Variants in NWD2 observed in about 807,000 individuals in gnomAD.
The protein encoded by NWD2 is NACHT and WD repeat domain containing 2, also known as NACHT and WD repeat domain-containing protein 2.
NWD2 carries 37 observed loss-of-function variants against 132.7 expected under a neutral mutation model. The observed-to-expected ratio is 0.28, with a 90% CI of 0.21 to 0.37. The LOEUF (loss-of-function observed/expected upper bound fraction) is 0.37. Among genes scored for constraint, NWD2 ranks in the 10% least tolerant of loss-of-function variants. The pLI is 1.00. For synonymous variants in NWD2, 705 were observed against 803.0 expected (o/e 0.88, Z 2.06); for missense variants, 1,592 against 2,122.4 (o/e 0.75, Z 4.91).
rs374102660 is a variant in NWD2 at position 37,394,808 on chromosome 4, T to TG, written c.358-35764_358-35763insG. 6.4e-3 allele frequency among the ~76,000 whole-genome samples: 610 copies of TG among 95,560 alleles called. 15 individuals carry two copies. The highest frequency in any genetic ancestry group is 0.018 in the East Asian group (57 of 3,140). 62.7% of individuals were successfully genotyped at this position (95,560 alleles called of 152,430 possible). On this transcript the variant is annotated intron_variant, in intron 3 of 6. Coordinates refer to ENST00000309447, the MANE Select transcript of NWD2 (RefSeq NM_001144990.2). ...ATAGTGAACCTTTATGGTTTTTTTT[T>TG]TTTTTTTTTTTTTTTTTTTTGAGGC...
chr4:37,306,730 A>C (rs55966629), intron 1 of NWD2, among the ~76,000 whole-genome samples: 3,774 of 152,258 alleles, frequency 0.025, 155 homozygotes, highest in African/African-American at 0.086. Flanking sequence ...TCTATCCTAA[A>C]GAATGTTCTG....
At chr4:37,401,772 C>T (rs1720900060) in intron 3 of NWD2, among the ~76,000 whole-genome samples, 1 of 152,156 alleles carries the variant, frequency 6.6e-6, no homozygotes, top group Non-Finnish European at 1.5e-5. Context: ...CTTTGAACAT[C>T]CATGCCCATC....
intron 1 of NWD2, among the ~76,000 whole-genome samples, chr4:37,280,987 C>T (rs1216302615): frequency 2.0e-5 from 3 of 149,362 alleles, no homozygotes; most frequent in African/African-American, 7.3e-5. Context: ...CATTGGTGTC[C>T]TTTGTACAGA....
intron 1 of NWD2, among the ~76,000 whole-genome samples, chr4:37,306,651 G>C (rs922520690): frequency 1.6e-4 from 25 of 152,244 alleles, no homozygotes; most frequent in African/African-American, 5.5e-4. Flanking sequence ...GTTGTAGTAT[G>C]AAAAGATACT....
At chr4:37,315,735 A>C (rs1718943182) in intron 1 of NWD2, among the ~76,000 whole-genome samples, 1 of 151,946 alleles carries the variant, frequency 6.6e-6, no homozygotes, top group Non-Finnish European at 1.5e-5. Context: ...TATTTTCTAC[A>C]TATCTCACGT....
At chr4:37,360,623 A>T (rs566959109) in intron 3 of NWD2, among the ~76,000 whole-genome samples, 1 of 152,296 alleles carries the variant, frequency 6.6e-6, no homozygotes, top group Admixed American at 6.5e-5. Context: ...TTTTAGGTGT[A>T]AAAAATTGCT....
chr4:37,251,076 C>T (rs950886149), intron 1 of NWD2, among the ~76,000 whole-genome samples: 6 of 152,128 alleles, frequency 3.9e-5, no homozygotes, highest in Admixed American at 6.5e-5. Context: ...GTCAGGAATT[C>T]GAGACCAGCC....
At chr4:37,268,686 G>C (rs1474219579) in intron 1 of NWD2, among the ~76,000 whole-genome samples, 1 of 151,298 alleles carries the variant, frequency 6.6e-6, no homozygotes, top group African/African-American at 2.4e-5. Flanking sequence ...CCTTGAAAAA[G>C]CTATTTTGTG....
intron 2 of NWD2, among the ~76,000 whole-genome samples, chr4:37,329,839 G>C (rs1034852721): frequency 6.6e-6 from 1 of 152,178 alleles, no homozygotes; most frequent in African/African-American, 2.4e-5. Flanking sequence ...CAGGAAAATA[G>C]TGCAAACAGG....
intron 3 of NWD2, among the ~76,000 whole-genome samples, chr4:37,390,411 T>G (rs79350931): frequency 1.1e-4 from 10 of 92,906 alleles, no homozygotes; most frequent in South Asian, 7.2e-4. Context: ...AATCTGAAAT[T>G]TTTTTTTTTG....
intron 2 of NWD2, among the ~76,000 whole-genome samples, chr4:37,350,745 C>A (rs1018215661): frequency 6.6e-6 from 1 of 152,174 alleles, no homozygotes; most frequent in Non-Finnish European, 1.5e-5. Context: ...TGAAAAAGAG[C>A]AACCTCGTCT....
intron 3 of NWD2, among the ~76,000 whole-genome samples, chr4:37,417,411 TAAAA>T (rs1711650220): frequency 6.6e-6 from 1 of 151,952 alleles, no homozygotes; most frequent in Non-Finnish European, 1.5e-5. Flanking sequence ...AATTTTAAAA[TAAAA>T]AACATATAGA....
intron 3 of NWD2, among the ~76,000 whole-genome samples, chr4:37,366,942 G>T (rs1720113557): frequency 6.6e-6 from 1 of 152,166 alleles, no homozygotes; most frequent in South Asian, 2.1e-4. Context: ...AAATCCGTAA[G>T]TATGTAGATT....
rs572468291 is a variant in NWD2 at position 37,279,325 on chromosome 4, G to A, written c.151+34107G>A. ...TTTTGGAACAACAAAAAAGTATTAC[G>A]TAACAGTAACACTAGATCTGTAGGA... On this transcript the variant is annotated intron_variant, in intron 1 of 6. Transcript: ENST00000309447. Among the ~76,000 whole-genome samples the A allele has an allele frequency of 5.1e-4, 77 of 152,232 alleles. 3 individuals carry two copies. The highest frequency in any genetic ancestry group is 4.5e-3 in the Admixed American group (68 of 15,268).
chr4:37,370,402 A>G (rs1720193702), intron 3 of NWD2, among the ~76,000 whole-genome samples: 1 of 152,212 alleles, frequency 6.6e-6, no homozygotes, highest in African/African-American at 2.4e-5. Flanking sequence ...CTTAAAATTT[A>G]TCCCTTTACA....
At chr4:37,406,430 A>G (rs1721044173) in intron 3 of NWD2, among the ~76,000 whole-genome samples, 1 of 152,238 alleles carries the variant, frequency 6.6e-6, no homozygotes, top group Non-Finnish European at 1.5e-5. Flanking sequence ...CAGGAATCCC[A>G]TTACTAGGTA....
At chr4:37,416,644 C>T (rs1296115250) in intron 3 of NWD2, among the ~76,000 whole-genome samples, 1 of 152,182 alleles carries the variant, frequency 6.6e-6, no homozygotes, top group African/African-American at 2.4e-5. Flanking sequence ...GAAAAAGATA[C>T]TTGCACACAC....
chr4:37,301,617 TG>T (rs934695818), intron 1 of NWD2, among the ~76,000 whole-genome samples: 14 of 152,220 alleles, frequency 9.2e-5, no homozygotes, highest in Admixed American at 4.6e-4. Context: ...TTAATTTTAA[TG>T]TTTTTTTATT....
Position 37,433,959 on chromosome 4 carries a change from A to T in NWD2, c.645A>T (p.Val215=). ...TCAAGAAGATATTTAAGGCTGCTGT[A>T]AAGCTGTTACACGAAAAGGGTAAAA... ...DEIKKIFKAA[V]KLLHEKGKMK... The change falls in exon 5 of 7, where the codon GTA becomes GTT. Residue 215 remains valine (V), a synonymous_variant. Coordinates refer to ENST00000309447, the MANE Select transcript of NWD2 (RefSeq NM_001144990.2). The T allele has an allele frequency of 6.4e-7, 1 of 1,550,922 alleles. No homozygotes were observed.
Sources: allele counts gnomAD v4.1 joint callset (sites outside exome capture counted in the v4.1 genomes callset), GRCh38; gene constraint gnomAD v4.1.1; transcripts MANE v1.5; gene names NCBI Gene and HGNC (gene_info 2026-07-23, HGNC 2026-07-21).